TLCD4: variants seen among roughly 807,000 people sequenced by gnomAD.
TLCD4 encodes TLC domain-containing protein 4.
In TLCD4, 7 loss-of-function variants were observed where a neutral mutation model predicts 24.2. The observed-to-expected ratio is 0.29, with a 90% confidence interval of 0.16 to 0.54. TLCD4 has a LOEUF of 0.54. TLCD4 is among the 20% of genes least tolerant of loss of function. TLCD4 has a pLI of 0.95. For synonymous variants in TLCD4, 103 were observed against 106.4 expected, an observed-to-expected ratio of 0.97 and a Z score of 0.20; for missense variants, 259 against 313.9, an observed-to-expected ratio of 0.82 and a Z score of 1.32.
At chr1:95,106,030 G>C in the TLCD4 span, among the ~76,000 whole-genome samples, 1 of 152,100 alleles carries the variant, frequency 6.6e-6, no homozygotes, top group Non-Finnish European at 1.5e-5. Flanking sequence ...GGAAGTCAAT[G>C]ATGACCCCCA....
At chr1:95,107,558 G>A in the TLCD4 span, among the ~76,000 whole-genome samples, 6 of 152,152 alleles carry the variant, frequency 3.9e-5, no homozygotes, top group Admixed American at 3.9e-4. Context: ...AGCAGGGGAT[G>A]GCAGTAGAGC....
the TLCD4 span, among the ~76,000 whole-genome samples, chr1:95,095,206 A>G: frequency 6.6e-6 from 1 of 152,178 alleles, no homozygotes; most frequent in Non-Finnish European, 1.5e-5. Flanking sequence ...CAGGAGTACT[A>G]CAGAAGACTG....
rs746719980 is a variant in TLCD4, at chr1:95,151,409, A to C, written c.389A>C (p.Tyr130Ser). Residue 130 changes from tyrosine (Y) to serine (S), a missense_variant, in exon 5 of 7, where the codon TAC (tyrosine) becomes TCC (serine). Coordinates refer to ENST00000370203, the MANE Select transcript of TLCD4 (RefSeq NM_152487.3). ...MHHCASLYAYYLVLKNGVLAY... is the reference protein window; with the variant it reads ...MHHCASLYAYSLVLKNGVLAY... ...CATTGTGCGTCCCTGTATGCATACT[A>C]CCTTGTACTGGTGAGTTCCAGGATT... 1 of 1,612,922 alleles carries C rather than the reference A, an allele frequency of 6.2e-7. No individual in the cohort carries two copies. The highest frequency in any genetic ancestry group is 1.7e-5 in the Admixed American group (1 of 59,854).
the TLCD4 span, among the ~76,000 whole-genome samples, chr1:95,097,110 A>G: frequency 6.6e-6 from 1 of 152,082 alleles, no homozygotes; most frequent in Non-Finnish European, 1.5e-5. Flanking sequence ...TACATAATAG[A>G]TGTACATATT....
the TLCD4 span, among the ~76,000 whole-genome samples, chr1:95,098,693 A>T: frequency 1.3e-5 from 2 of 152,220 alleles, no homozygotes; most frequent in South Asian, 4.1e-4. Flanking sequence ...GTTATCTGTA[A>T]TGAATTGTGG....
intron 1 of TLCD4, among the ~76,000 whole-genome samples, chr1:95,131,881 A>G (rs1053808272): frequency 1.3e-5 from 2 of 152,216 alleles, no homozygotes; most frequent in African/African-American, 4.8e-5. Context: ...GAGAGGTGTT[A>G]GAATCCTGGG....
At chr1:95,094,149 G>C in the TLCD4 span, among the ~76,000 whole-genome samples, 1 of 152,142 alleles carries the variant, frequency 6.6e-6, no homozygotes, top group South Asian at 2.1e-4. Context: ...CCTTTTTTCT[G>C]ATACAAGGTC....
chr1:95,111,893 C>A, the TLCD4 span, among the ~76,000 whole-genome samples: 1 of 152,150 alleles, frequency 6.6e-6, no homozygotes, highest in African/African-American at 2.4e-5. Context: ...GGAGTTTATC[C>A]TTTGGTGAAG....
the TLCD4 span, among the ~76,000 whole-genome samples, chr1:95,105,040 T>A: frequency 5.3e-5 from 8 of 152,138 alleles, no homozygotes; most frequent in African/African-American, 1.9e-4. Flanking sequence ...TAAAAAAAAA[T>A]AATACTTTCA....
rs768244326 is a variant in TLCD4, at chr1:95,130,138, C to T, written c.-12+12521C>T. Among the ~76,000 whole-genome samples the T allele has an allele frequency of 2.1e-3, 315 of 152,084 alleles. 1 individual carries two copies. The highest frequency in any genetic ancestry group is 3.4e-3 in the Non-Finnish European group (234 of 67,970). On this transcript the variant is annotated intron_variant, in intron 1 of 6. Coordinates refer to ENST00000370203, the MANE Select transcript of TLCD4 (RefSeq NM_152487.3). ...AAGTCGAAAATGAGTAGTTGACATT[C>T]TTTTTCTTTATTTTATTTAATTTAT...
chr1:95,109,958 T>TATATAC, the TLCD4 span, among the ~76,000 whole-genome samples: 1 of 108,082 alleles, frequency 9.3e-6, no homozygotes, highest in Non-Finnish European at 1.9e-5. Flanking sequence ...TATATATATA[T>TATATAC]ACACACACAC....
the TLCD4 span, among the ~76,000 whole-genome samples, chr1:95,100,438 G>A: frequency 1.3e-5 from 2 of 152,128 alleles, no homozygotes; most frequent in Non-Finnish European, 2.9e-5. Context: ...AGCTGGGCAT[G>A]ATGGTGCATG....
chr1:95,154,452 T>C (rs902802300), intron 5 of TLCD4, among the ~76,000 whole-genome samples: 2 of 152,110 alleles, frequency 1.3e-5, no homozygotes, highest in African/African-American at 4.8e-5. Context: ...GGATTACCTA[T>C]AGTAAAGAGA....
chr1:95,109,769 G>A, the TLCD4 span, among the ~76,000 whole-genome samples: 1 of 151,462 alleles, frequency 6.6e-6, no homozygotes, highest in Admixed American at 6.6e-5. Flanking sequence ...TATTACAAGC[G>A]TGAGTCACCA....
chr1:95,190,253 G>A (rs907985992), intron 6 of TLCD4, among the ~76,000 whole-genome samples: 10 of 151,812 alleles, frequency 6.6e-5, no homozygotes, highest in Admixed American at 3.3e-4. Context: ...ACAAGAATGC[G>A]CCACCACACC....
the TLCD4 span, among the ~76,000 whole-genome samples, chr1:95,107,295 C>A: frequency 6.6e-6 from 1 of 151,984 alleles, no homozygotes; most frequent in Non-Finnish European, 1.5e-5. Context: ...TGGTGGTGGG[C>A]GCCTGTAGTC....
At chr1:95,104,712 T>C in the TLCD4 span, among the ~76,000 whole-genome samples, 1 of 142,858 alleles carries the variant, frequency 7.0e-6, no homozygotes, top group African/African-American at 2.6e-5. Context: ...CTGAACATCA[T>C]AGCTTAGCCC....
intron 1 of TLCD4, among the ~76,000 whole-genome samples, chr1:95,133,025 A>C (rs551384124): frequency 6.6e-6 from 1 of 152,184 alleles, no homozygotes; most frequent in Non-Finnish European, 1.5e-5. Context: ...GAATACAGGC[A>C]AATATTTCTA....
intron 1 of TLCD4, among the ~76,000 whole-genome samples, chr1:95,120,469 G>T (rs887806453): frequency 6.6e-6 from 1 of 152,222 alleles, no homozygotes; most frequent in African/African-American, 2.4e-5. Context: ...GCAGGATAAG[G>T]CAGGAATAGC....
Sources: allele counts gnomAD v4.1 joint callset (sites outside exome capture counted in the v4.1 genomes callset), GRCh38; gene constraint gnomAD v4.1.1; transcripts MANE v1.5; gene names NCBI Gene and HGNC (gene_info 2026-07-23, HGNC 2026-07-21).